CCDC175: variants seen among roughly 807,000 people sequenced by gnomAD.
CCDC175 encodes coiled-coil domain containing 175.
In CCDC175, 100 loss-of-function variants were observed where a neutral mutation model predicts 114.6. The observed-to-expected ratio is 0.87, with a 90% CI of 0.74 to 1.03. The LOEUF (loss-of-function observed/expected upper bound fraction) is 1.03, where lower values mean the gene tolerates loss of function less well. CCDC175 is among the 50% of genes least tolerant of loss of function. The pLI, the probability that CCDC175 is intolerant of heterozygous loss-of-function variation, is 0.00. For synonymous variants in CCDC175, 306 were observed against 308.7 expected, an observed-to-expected ratio of 0.99 and a Z score of 0.09; for missense variants, 880 against 917.8, an observed-to-expected ratio of 0.96 and a Z score of 0.53.
At chr14:59,546,281 C>G (rs967712021) in intron 8 of CCDC175, among the ~76,000 whole-genome samples, 6 of 151,924 alleles carry the variant, frequency 3.9e-5, no homozygotes, top group African/African-American at 1.5e-4. Context: ...TACATGGACA[C>G]AAAGATGGGA....
At chr14:59,551,557 G>C in intron 7 of CCDC175, 121 bp from the exon 8 acceptor site, 1 of 504,564 alleles carries the variant, frequency 2.0e-6, no homozygotes, top group East Asian at 3.3e-5. Context: ...CAGAAGATGG[G>C]TGATTTCTGC....
rs1196036359 is a variant in CCDC175, at chr14:59,537,985, T to A, written c.1623+38A>T. 29 of 1,417,976 alleles carry A rather than the reference T, an allele frequency of 2.0e-5. No individual in the cohort carries two copies. The East Asian group carries it at 6.6e-4, about 32-fold the overall frequency. The allele number at this position is 1,417,976 out of a possible 1,614,324, so 87.8% of individuals were successfully genotyped here. A position where few individuals can be genotyped will look rare whatever the true frequency, so the allele number is the denominator to read the frequency against. ...ATTATTCCCCCTCCCCCTCATGTAG[T>A]CATCCAAAAGTATTCTTAGATGCAA... On this transcript the variant is annotated intron_variant, in intron 13 of 19. Transcript: ENST00000537690.
At chr14:59,554,483 T>A (rs1176196616) in intron 7 of CCDC175, among the ~76,000 whole-genome samples, 1 of 152,206 alleles carries the variant, frequency 6.6e-6, no homozygotes, top group Non-Finnish European at 1.5e-5. Flanking sequence ...GAGGGAAGTT[T>A]ACAGCACTAA....
chr14:59,513,618 G>T (rs1892879142), intron 17 of CCDC175, among the ~76,000 whole-genome samples: 1 of 152,230 alleles, frequency 6.6e-6, no homozygotes, highest in African/African-American at 2.4e-5. Flanking sequence ...GAGGCTGGGG[G>T]AGGGGTGCCT....
intron 7 of CCDC175, among the ~76,000 whole-genome samples, chr14:59,552,906 G>C (rs1332846887): frequency 6.6e-6 from 1 of 152,292 alleles, no homozygotes; most frequent in East Asian, 1.9e-4. Context: ...GAGAAGAGAA[G>C]TTTAGAGAAA....
rs71451066 is a variant in CCDC175, at chr14:59,508,399, TACACACACACACAC to T, written c.2305+2233_2305+2246del. 6.5e-4 allele frequency among the ~76,000 whole-genome samples: 63 copies of T among 97,376 alleles called. 3 individuals are homozygous for T. The South Asian group carries it at 0.027, about 42-fold the overall frequency. 63.9% of individuals were successfully genotyped at this position (97,376 alleles called of 152,430 possible). The stretch of plus-strand genomic sequence containing the variant: ...ACATGGCATAACCTCGTCTCCAAAA[TACACACACACACAC>T]ACACACACACACACACACACACACT... On this transcript the variant is annotated intron_variant, in intron 19 of 19. Transcript: ENST00000537690.
chr14:59,544,247 A>G (rs1595036110), intron 9 of CCDC175, among the ~76,000 whole-genome samples: 1 of 151,894 alleles, frequency 6.6e-6, no homozygotes, highest in Non-Finnish European at 1.5e-5. Flanking sequence ...GCTTACTGTA[A>G]CCTCCGCCTC....
At chr14:59,515,882 C>T (rs1278516578) in intron 17 of CCDC175, among the ~76,000 whole-genome samples, 1 of 152,170 alleles carries the variant, frequency 6.6e-6, no homozygotes, top group East Asian at 1.9e-4. Flanking sequence ...CAGCACCACA[C>T]CGCACTTATT....
At chr14:59,552,895 CGAGAA>C (rs1369481858) in intron 7 of CCDC175, among the ~76,000 whole-genome samples, 4 of 152,032 alleles carry the variant, frequency 2.6e-5, no homozygotes, top group African/African-American at 9.6e-5. Flanking sequence ...TGAAATGAAG[CGAGAA>C]GAGAAGTTTA....
At position 59,538,126 on chromosome 14, in the gene CCDC175, C is replaced by T. The variant is rs4261431; in HGVS notation, c.1520G>A (p.Gly507Glu). ...ETSFRQQEIS[G>E]FVAQIEKLTT... is the part of the protein sequence containing the mutation. The stretch of plus-strand genomic sequence containing the variant: ...AAGTTTTTCAATCTGTGCCACAAAT[C>T]CACTGATCTCCTGTTGTCTGAAACT... Residue 507 changes from glycine to glutamate, a missense_variant, in exon 13 of 20, where the codon GGA becomes GAA. Transcript: ENST00000537690. 0.57 allele frequency: 877,690 copies of T among 1,530,936 alleles called. 255,806 individuals are homozygous for T. Among genetic ancestry groups the T allele is most frequent in the East Asian group, 0.81 (33,000 of 40,744 alleles). The allele number at this position is 1,530,936 out of a possible 1,614,324, so 94.8% of individuals were successfully genotyped here. A position where few individuals can be genotyped will look rare whatever the true frequency, so the allele number is the denominator to read the frequency against.
At chr14:59,542,410 C>G (rs1894841642) in intron 10 of CCDC175, among the ~76,000 whole-genome samples, 1 of 151,962 alleles carries the variant, frequency 6.6e-6, no homozygotes, top group African/African-American at 2.4e-5. Context: ...TTTTGACAAT[C>G]ATTATAAAAG....
At chr14:59,527,670 T>TA (rs2139997011) in intron 14 of CCDC175, among the ~76,000 whole-genome samples, 1 of 152,180 alleles carries the variant, frequency 6.6e-6, no homozygotes, top group African/African-American at 2.4e-5. Flanking sequence ...TTGCTTTGTT[T>TA]AAAAAATTGC....
chr14:59,507,647 C>T (rs1892503666), intron 19 of CCDC175, among the ~76,000 whole-genome samples: 1 of 152,158 alleles, frequency 6.6e-6, no homozygotes. Flanking sequence ...CAGAGATGGC[C>T]AAGGACTTGA....
rs1897141646 is a variant in CCDC175 at position 59,576,674 on chromosome 14, G to A, written c.102C>T (p.Pro34=). 2 of 1,487,076 alleles carry A rather than the reference G, an allele frequency of 1.3e-6. No homozygotes were observed. The highest frequency in any genetic ancestry group is 1.8e-6 in the Non-Finnish European group (2 of 1,126,230). 92.1% of individuals were successfully genotyped at this position (1,487,076 alleles called of 1,614,324 possible). Residue 34 remains proline, a synonymous_variant, in exon 1 of 20, where the codon CCC becomes CCT. Transcript: ENST00000537690. ...CCGCGACCGAGGAGCCCAGGGTGGA[G>A]GGTAAGGTGCATAACTCCAGGGAGG... The part of the protein sequence containing the change: ...TGPSLELCTL[P]STLGSSVAVE...
In CCDC175 at chr14:59,576,757, T is replaced by C; in HGVS notation, c.19A>G (p.Thr7Ala). The change falls in exon 1 of 20, where the codon ACC (threonine) becomes GCC (alanine). Residue 7 changes from threonine to alanine, a missense_variant. Coordinates refer to ENST00000537690, the MANE Select transcript of CCDC175 (RefSeq NM_001164399.2). Reference sequence around the variant, plus strand: ...TTCTCGCCAGCGCCCAGCCCTGGGGTCCAGGGGCTCAGGGCCATTTTGCCG... The same window carrying C: ...TTCTCGCCAGCGCCCAGCCCTGGGGCCCAGGGGCTCAGGGCCATTTTGCCG... MALSPW[T>A]PGLGAGEKLV... 6.9e-7 allele frequency: 1 copy of C among 1,456,480 alleles called. No individual in the cohort carries two copies. Among genetic ancestry groups the C allele is most frequent in the East Asian group, 2.9e-5 (1 of 34,414 alleles). The allele number at this position is 1,456,480 out of a possible 1,614,324, so 90.2% of individuals were successfully genotyped here. A position where few individuals can be genotyped will look rare whatever the true frequency, so the allele number is the denominator to read the frequency against.
intron 7 of CCDC175, 82 bp from the exon 8 acceptor site, chr14:59,551,518 G>T: frequency 1.7e-6 from 1 of 597,302 alleles, no homozygotes; most frequent in Non-Finnish European, 2.8e-6. Flanking sequence ...AGGAACAGCT[G>T]CAGTATACAG....
At chr14:59,563,275 T>C (rs890952456) in intron 6 of CCDC175, among the ~76,000 whole-genome samples, 1 of 152,186 alleles carries the variant, frequency 6.6e-6, no homozygotes, top group East Asian at 1.9e-4. Context: ...TACAGAGCTC[T>C]GATGTATTTT....
At chr14:59,521,062 T>G (rs1192620822) in intron 17 of CCDC175, among the ~76,000 whole-genome samples, 1 of 152,196 alleles carries the variant, frequency 6.6e-6, no homozygotes, top group Non-Finnish European at 1.5e-5. Flanking sequence ...TTGACTGGAT[T>G]GAAAGATGCA....
At chr14:59,572,570 A>T in intron 3 of CCDC175, 132 bp downstream of exon 3, 1 of 488,860 alleles carries the variant, frequency 2.0e-6, no homozygotes, top group Non-Finnish European at 3.5e-6. Context: ...TACGGACCTT[A>T]CTGTGTTTGT....
Sources: allele counts gnomAD v4.1 joint callset (sites outside exome capture counted in the v4.1 genomes callset), GRCh38; gene constraint gnomAD v4.1.1; transcripts MANE v1.5; gene names NCBI Gene and HGNC (gene_info 2026-07-23, HGNC 2026-07-21).